The following GPR132 variants were observed in gnomAD, a reference collection of about 807,000 sequenced individuals.
GPR132 encodes G protein-coupled receptor 132.
A neutral mutation model predicts 1.9 loss-of-function variants in GPR132; 4 were observed. The observed-to-expected ratio is 2.13, with a 90% CI of 1.05 to 4.87. The LOEUF (loss-of-function observed/expected upper bound fraction) is 4.87, where lower values mean the gene tolerates loss of function less well. Among genes scored for constraint, GPR132 ranks in the 30% most tolerant of loss-of-function variants. The probability of loss-of-function intolerance (pLI) is 0.01; values close to 1 mark genes in which losing one functional copy is unlikely to be tolerated. For missense variants in GPR132, 404 were observed against 512.5 expected (o/e 0.79, Z 2.04); for synonymous variants, 233 against 234.2 (o/e 0.99, Z 0.05).
In GPR132 at chr14:105,051,626, C is replaced by G; in HGVS notation, c.511G>C (p.Gly171Arg). ...LISACIFILV[G>R]IVHYPVFQTE... ...TGGAACACCGGGTAGTGAACGATCC[C>G]GACGAGGATGAAGATGCAGGCGGAG... is the stretch of plus-strand genomic sequence containing the variant. The change falls in exon 4 of 4, where the codon GGG (glycine) becomes CGG (arginine). Residue 171 changes from glycine to arginine, a missense_variant. Coordinates refer to ENST00000329797, the MANE Select transcript of GPR132 (RefSeq NM_013345.4). The surrounding 1 kb of genome is among the most constrained non-coding windows in gnomAD (Gnocchi z 8.0). The G allele has an allele frequency of 1.9e-6, 3 of 1,614,010 alleles. No homozygotes were observed. The highest frequency in any genetic ancestry group is 2.5e-6 in the Non-Finnish European group (3 of 1,180,038).
At position 105,059,538 on chromosome 14, in the gene GPR132, A is replaced by C. The variant is rs1283313446; in HGVS notation, c.-860-2258T>G. 6.6e-6 allele frequency among the ~76,000 whole-genome samples: 1 copy of C among 152,052 alleles called. No individual in the cohort carries two copies. The highest frequency in any genetic ancestry group is 1.5e-5 in the Non-Finnish European group (1 of 67,996). On this transcript the variant is annotated intron_variant, in intron 1 of 3. Coordinates refer to ENST00000329797, the MANE Select transcript of GPR132 (RefSeq NM_013345.4). This position sits in a 1 kb window ranked among gnomAD's most constrained non-coding sequence, Gnocchi z 4.2. ...GCCTCCTTTGGAGAGACTTATCAGA[A>C]ACTGAAAACAATGCAACCATTTGTC...
chr14:105,063,090 G>A (rs1886991756), intron 1 of GPR132, among the ~76,000 whole-genome samples: 2 of 152,078 alleles, frequency 1.3e-5, no homozygotes, highest in South Asian at 4.2e-4. Flanking sequence ...GTTAATTTTT[G>A]TACTTTTATT....
intron 1 of GPR132, among the ~76,000 whole-genome samples, chr14:105,062,278 C>T (rs1306239140): frequency 5.3e-5 from 8 of 152,214 alleles, no homozygotes; most frequent in Non-Finnish European, 2.9e-5. Flanking sequence ...CCCTCATCAC[C>T]CAGCCTCCAT....
chr14:105,063,253 A>G (rs1886997263), intron 1 of GPR132, among the ~76,000 whole-genome samples: 1 of 151,530 alleles, frequency 6.6e-6, no homozygotes, highest in Admixed American at 6.6e-5. Context: ...GAGAAGCACC[A>G]CATGTTCCTG....
At position 105,056,134 on chromosome 14, in the gene GPR132, G is replaced by A; in HGVS notation, c.-714C>T. The A allele has an allele frequency of 9.1e-6, 9 of 985,880 alleles. No homozygotes were observed. Among genetic ancestry groups the A allele is most frequent in the Non-Finnish European group, 1.1e-5 (9 of 830,168 alleles). 61.1% of individuals were successfully genotyped at this position (985,880 alleles called of 1,614,324 possible). A position where few individuals can be genotyped will look rare whatever the true frequency, so the allele number is the denominator to read the frequency against. ...TCGCTGCGCTTGCTGGGTTTCTCCGGGTGAGTGTCGTGTCCCTTGCTCACC... is the reference window on the plus strand; with the variant it reads ...TCGCTGCGCTTGCTGGGTTTCTCCGAGTGAGTGTCGTGTCCCTTGCTCACC... On this transcript the variant is annotated 5_prime_UTR_variant, in exon 3 of 4. Transcript: ENST00000329797. This position sits in a 1 kb window ranked among gnomAD's most constrained non-coding sequence, Gnocchi z 6.0.
Position 105,059,574 on chromosome 14 carries a change from C to G in GPR132, c.-860-2294G>C, listed in dbSNP as rs577244983. On this transcript the variant is annotated intron_variant, in intron 1 of 3. Coordinates refer to ENST00000329797, the MANE Select transcript of GPR132 (RefSeq NM_013345.4). The surrounding 1 kb of genome is among the most constrained non-coding windows in gnomAD (Gnocchi z 4.2). ...ATGCAACCATTTGTCTCTCGCCTAC[C>G]TGTGTAGGCGAGAGACAAATGGTTG... 6.6e-6 allele frequency among the ~76,000 whole-genome samples: 1 copy of G among 151,956 alleles called. No individual in the cohort carries two copies. The highest frequency in any genetic ancestry group is 6.5e-5 in the Admixed American group (1 of 15,278).
chr14:105,053,998 C>T, intron 3 of GPR132: 1 of 1,268,852 alleles, frequency 7.9e-7, no homozygotes, highest in Non-Finnish European at 1.0e-6. Flanking sequence ...AGAGGTCACG[C>T]AGGGTGTGCA....
In GPR132 at chr14:105,051,010, A is replaced by G; in HGVS notation, c.1127T>C (p.Ile376Thr). The change falls in exon 4 of 4, where the codon ATT (isoleucine) becomes ACT (threonine). Residue 376 changes from isoleucine to threonine, a missense_variant. Coordinates refer to ENST00000329797, the MANE Select transcript of GPR132 (RefSeq NM_013345.4). This position sits in a 1 kb window ranked among gnomAD's most constrained non-coding sequence, Gnocchi z 8.0. ...PGSPCPAKRL[I>T]EESC The stretch of plus-strand genomic sequence containing the variant: ...ACAGTGGGCTCAGCAGGACTCCTCA[A>G]TCAGCCTCTTTGCAGGGCATGGTGA... 6.2e-7 allele frequency: 1 copy of G among 1,612,550 alleles called. No individual in the cohort carries two copies. The highest frequency in any genetic ancestry group is 2.2e-5 in the East Asian group (1 of 44,818).
intron 3 of GPR132, chr14:105,054,507 T>C: frequency 1.6e-6 from 1 of 630,082 alleles, no homozygotes; most frequent in Non-Finnish European, 2.0e-6. Flanking sequence ...TCTCTGCTAC[T>C]GCAACCTCTG....
rs754703106 is a variant in GPR132, at chr14:105,060,964, G to A, written c.-860-3684C>T. On this transcript the variant is annotated intron_variant, in intron 1 of 3. Coordinates refer to ENST00000329797, the MANE Select transcript of GPR132 (RefSeq NM_013345.4). This position sits in a 1 kb window ranked among gnomAD's most constrained non-coding sequence, Gnocchi z 6.3. ...GTATGTTGAGAGCAGAGACTAGCCA[G>A]GGGCAGAGCCGGAGCCACCTTCCCA... 1.1e-4 allele frequency among the ~76,000 whole-genome samples: 16 copies of A among 151,616 alleles called. No individual in the cohort carries two copies. The highest frequency in any genetic ancestry group is 2.1e-4 in the Non-Finnish European group (14 of 68,056).
intron 1 of GPR132, 95 bp downstream of exon 1, chr14:105,065,284 C>G (rs1381635300): frequency 6.6e-6 from 1 of 152,214 alleles, no homozygotes; most frequent in Non-Finnish European, 1.5e-5. Flanking sequence ...GCCTTCAGAT[C>G]CCCCTCTGCC....
At position 105,057,240 on chromosome 14, in the gene GPR132, T is replaced by C. The variant is rs1396282804; in HGVS notation, c.-820A>G. 5 of 1,162,636 alleles carry C rather than the reference T, an allele frequency of 4.3e-6. No individual in the cohort carries two copies. The African/African-American group carries it at 7.6e-5, about 18-fold the overall frequency. The allele number at this position is 1,162,636 out of a possible 1,614,324, so 72.0% of individuals were successfully genotyped here. A position where few individuals can be genotyped will look rare whatever the true frequency, so the allele number is the denominator to read the frequency against. On this transcript the variant is annotated 5_prime_UTR_variant, in exon 2 of 4. Transcript: ENST00000329797. ...TTCTAAGTACATGTCATGCGTCTTG[T>C]CGGTCCTATCAAGACGTTCACTCTG...
At position 105,055,582 on chromosome 14, in the gene GPR132, A is replaced by C; in HGVS notation, c.-162T>G. On this transcript the variant is annotated 5_prime_UTR_variant, in exon 3 of 4. Coordinates refer to ENST00000329797, the MANE Select transcript of GPR132 (RefSeq NM_013345.4). This position sits in a 1 kb window ranked among gnomAD's most constrained non-coding sequence, Gnocchi z 4.7. ...CGCTGGGCTCCCCTGTCACCTCCCCACGTGGGTGGGCATCTCTGCGTGTCT... is the reference window on the plus strand; with the variant it reads ...CGCTGGGCTCCCCTGTCACCTCCCCCCGTGGGTGGGCATCTCTGCGTGTCT... The C allele has an allele frequency of 1.5e-6, 1 of 679,920 alleles. No homozygotes were observed. Among genetic ancestry groups the C allele is most frequent in the Non-Finnish European group, 2.7e-6 (1 of 367,500 alleles). 42.1% of individuals were successfully genotyped at this position (679,920 alleles called of 1,614,324 possible).
intron 1 of GPR132, among the ~76,000 whole-genome samples, chr14:105,061,378 C>T (rs1372481980): frequency 2.0e-5 from 3 of 152,256 alleles, no homozygotes; most frequent in African/African-American, 7.2e-5. Context: ...CCCGCCAGCA[C>T]CTGCTCACCA....
At position 105,050,998 on chromosome 14, in the gene GPR132, C is replaced by G. The variant is rs767897721; in HGVS notation, c.1139G>C (p.Cys380Ser). 2 of 1,611,046 alleles carry G rather than the reference C, an allele frequency of 1.2e-6. No individual in the cohort carries two copies. Among genetic ancestry groups the G allele is most frequent in the South Asian group, 1.1e-5 (1 of 90,998 alleles). ...CPAKRLIEESC is the reference protein window; with the variant it reads ...CPAKRLIEESS The stretch of plus-strand genomic sequence containing the variant: ...TCCCCCTGCCACACAGTGGGCTCAG[C>G]AGGACTCCTCAATCAGCCTCTTTGC... The change falls in exon 4 of 4, where the codon TGC (cysteine) becomes TCC (serine). Residue 380 changes from cysteine to serine, a missense_variant. Physicochemically the swap from Cys to Ser is moderately radical, Grantham distance 112. Transcript: ENST00000329797. This position sits in a 1 kb window ranked among gnomAD's most constrained non-coding sequence, Gnocchi z 4.0.
rs1437488142 is a variant in GPR132, at chr14:105,056,507, T to C, written c.-746-341A>G. On this transcript the variant is annotated intron_variant, in intron 2 of 3. Coordinates refer to ENST00000329797, the MANE Select transcript of GPR132 (RefSeq NM_013345.4). This position sits in a 1 kb window ranked among gnomAD's most constrained non-coding sequence, Gnocchi z 6.0. The stretch of plus-strand genomic sequence containing the variant: ...GCAAGACCCGGGGTGGCCAGAGGGG[T>C]CCCTCCCACCTCAGCCTGCACAGAG... 6.6e-6 allele frequency among the ~76,000 whole-genome samples: 1 copy of C among 151,528 alleles called. No individual in the cohort carries two copies. The highest frequency in any genetic ancestry group is 1.5e-5 in the Non-Finnish European group (1 of 67,864).
intron 1 of GPR132, among the ~76,000 whole-genome samples, chr14:105,064,900 C>T (rs887011311): frequency 2.0e-5 from 3 of 152,038 alleles, no homozygotes; most frequent in Non-Finnish European, 2.9e-5. Flanking sequence ...TGCCACTCAC[C>T]GCAGCACAGC....
intron 3 of GPR132, among the ~76,000 whole-genome samples, chr14:105,053,440 G>A (rs538767626): frequency 1.8e-4 from 27 of 152,238 alleles, no homozygotes; most frequent in Non-Finnish European, 3.4e-4. Context: ...GATTACAGGC[G>A]TGAGCCACTG....
chr14:105,065,168 C>T (rs534137383), intron 1 of GPR132, among the ~76,000 whole-genome samples: 3 of 152,226 alleles, frequency 2.0e-5, no homozygotes, highest in Non-Finnish European at 4.4e-5. Flanking sequence ...CCAAATCCTC[C>T]GGCCCCATCA....
Sources: allele counts gnomAD v4.1 joint callset (sites outside exome capture counted in the v4.1 genomes callset), GRCh38; gene constraint gnomAD v4.1.1; non-coding constraint Gnocchi (gnomAD v3.1); transcripts MANE v1.5; gene names NCBI Gene and HGNC (gene_info 2026-07-23, HGNC 2026-07-21).